Variants in TRIM39 observed in about 807,000 individuals in gnomAD.
The protein encoded by TRIM39 is E3 ubiquitin-protein ligase TRIM39.
TRIM39 carries 5 observed loss-of-function variants against 53.6 expected under a neutral mutation model. The observed-to-expected ratio is 0.09, with a 90% CI of 0.05 to 0.20. The LOEUF (loss-of-function observed/expected upper bound fraction) is 0.20. Ranked by LOEUF, TRIM39 falls within the 10% of genes least tolerant of loss-of-function variation. The pLI is 1.00. For synonymous variants in TRIM39, 196 were observed against 237.6 expected (o/e 0.82, Z 1.61); for missense variants, 310 against 621.0 (o/e 0.50, Z 5.32).
intron 5 of TRIM39, among the ~76,000 whole-genome samples, chr6:30,337,894 G>A (rs60748761): frequency 2.4e-4 from 37 of 152,298 alleles, no homozygotes; most frequent in African/African-American, 7.0e-4. Flanking sequence ...AGTAATCTTG[G>A]CAAGATCTTC....
intron 5 of TRIM39, 90 bp downstream of exon 5, chr6:30,336,065 TCTGCTCTC>T: frequency 6.5e-7 from 1 of 1,537,686 alleles, no homozygotes; most frequent in Non-Finnish European, 8.9e-7. Flanking sequence ...TACTCATTCT[TCTGCTCTC>T]CTTCTCTAAA....
chr6:30,333,512 C>T (rs1253942493), intron 4 of TRIM39, among the ~76,000 whole-genome samples: 1 of 151,816 alleles, frequency 6.6e-6, no homozygotes, highest in Non-Finnish European at 1.5e-5. Flanking sequence ...CGCCCACCAC[C>T]ACACCCAGCT....
chr6:30,328,236 G>A (rs1005045548), intron 1 of TRIM39, among the ~76,000 whole-genome samples: 6 of 152,224 alleles, frequency 3.9e-5, no homozygotes, highest in Non-Finnish European at 8.8e-5. Flanking sequence ...GTTATCAATA[G>A]CTATATTGAA....
chr6:30,329,156 G>C (rs1008620674), intron 2 of TRIM39, 115 bp downstream of exon 2: 11 of 872,958 alleles, frequency 1.3e-5, no homozygotes, highest in Non-Finnish European at 1.9e-5. Flanking sequence ...AGGTTGAATT[G>C]ATTGGAAGAG....
In TRIM39 at chr6:30,338,706, T is replaced by G. The variant is rs1048644176; in HGVS notation, c.781-1202T>G. ...TTGGAAAACATGGTGCCAGTAGACT[T>G]GCTCAACACAGGTTGCCACAAACCA... On this transcript the variant is annotated intron_variant, in intron 5 of 7. Transcript: ENST00000396551. This position sits in a 1 kb window ranked among gnomAD's most constrained non-coding sequence, Gnocchi z 4.0. 6.6e-6 allele frequency among the ~76,000 whole-genome samples: 1 copy of G among 151,740 alleles called. No individual in the cohort carries two copies. The highest frequency in any genetic ancestry group is 2.4e-5 in the African/African-American group (1 of 41,270).
In TRIM39 at chr6:30,340,391, G is replaced by A; in HGVS notation, c.804-114G>A. ...GCTTTTCAGGGAGGAGGAAGAAAGT[G>A]GGAAGATGGAGAATTTTAATTTCTC... On this transcript the variant is annotated intron_variant, in intron 6 of 7. Transcript: ENST00000396551. The A allele has an allele frequency of 1.9e-6, 3 of 1,610,342 alleles. No homozygotes were observed. The African/African-American group carries it at 4.0e-5, about 21-fold the overall frequency.
Position 30,335,718 on chromosome 6 carries a change from G to C in TRIM39, c.550-27G>C, listed in dbSNP as rs566267140. On this transcript the variant is annotated intron_variant, in intron 4 of 7. Transcript: ENST00000396551. The surrounding 1 kb of genome is among the most constrained non-coding windows in gnomAD (Gnocchi z 4.7). The stretch of plus-strand genomic sequence containing the variant: ...TTCCTTATACCACACTGACCCTGCT[G>C]ATACAACATCTTCCCTCTCTTCTCA... The C allele has an allele frequency of 6.2e-7, 1 of 1,609,260 alleles. No individual in the cohort carries two copies. The highest frequency in any genetic ancestry group is 1.7e-5 in the Admixed American group (1 of 59,534).
At chr6:30,333,785 T>A (rs1786514778) in intron 4 of TRIM39, among the ~76,000 whole-genome samples, 1 of 152,070 alleles carries the variant, frequency 6.6e-6, no homozygotes, top group Admixed American at 6.6e-5. Context: ...TCCCCAACCA[T>A]GGAAAACAAG....
Position 30,330,767 on chromosome 6 carries a change from T to C in TRIM39, c.454-14T>C. The stretch of plus-strand genomic sequence containing the variant: ...CCCAAATGTCACCTCTCCCACTTCC[T>C]CCCTACCCCTCAGGAAAAACTGCAG... On this transcript the variant is annotated splice_polypyrimidine_tract_variant and intron_variant, in intron 3 of 7. Transcript: ENST00000396551. 1.2e-6 allele frequency: 2 copies of C among 1,613,862 alleles called. No individual in the cohort carries two copies. Among genetic ancestry groups the C allele is most frequent in the South Asian group, 1.1e-5 (1 of 91,032 alleles).
intron 7 of TRIM39, chr6:30,341,353 CCTT>C (rs1787515554): frequency 1.7e-6 from 1 of 576,990 alleles, no homozygotes; most frequent in Admixed American, 2.2e-5. Context: ...TGCTCGGCAT[CCTT>C]CTTAACACTT....
At chr6:30,343,175 T>A (rs1269066332) in exon 8 of TRIM39, 1 of 152,620 alleles carries the variant, frequency 6.6e-6, no homozygotes, top group Non-Finnish European at 1.5e-5. Flanking sequence ...CCTTAAAGAA[T>A]GTTACTTAGT....
Position 30,342,246 on chromosome 6 carries a change from C to A in TRIM39, c.1454C>A (p.Thr485Lys). The A allele has an allele frequency of 6.2e-7, 1 of 1,612,744 alleles. No homozygotes were observed. Among genetic ancestry groups the A allele is most frequent in the Non-Finnish European group, 8.5e-7 (1 of 1,179,858 alleles). The stretch of plus-strand genomic sequence containing the variant: ...GCACCACTTACCATCAGGCCCCCAA[C>A]AGATTGGGAGTGACAGGTTGGGATG... The change falls in exon 8 of 8, where the codon ACA becomes AAA. Residue 485 changes from threonine (T) to lysine (K), a missense_variant. Physicochemically the swap from Thr to Lys is moderately conservative, Grantham distance 78 (BLOSUM62 -1). Around this residue, in one of 5 missense-constraint regions of TRIM39, gnomAD observed 75 missense variants for 244.8 expected, o/e 0.31. Transcript: ENST00000396551. This position sits in a 1 kb window ranked among gnomAD's most constrained non-coding sequence, Gnocchi z 4.7.
intron 5 of TRIM39, among the ~76,000 whole-genome samples, chr6:30,337,884 A>G (rs1301546316): frequency 1.3e-5 from 2 of 152,264 alleles, no homozygotes; most frequent in Non-Finnish European, 2.9e-5. Flanking sequence ...CACCTTCATC[A>G]GTAATCTTGG....
chr6:30,339,787 C>A lies in TRIM39; in HGVS notation c.781-121C>A. On this transcript the variant is annotated intron_variant, in intron 5 of 7. Coordinates refer to ENST00000396551, the Ensembl canonical transcript of TRIM39. The surrounding 1 kb of genome is among the most constrained non-coding windows in gnomAD (Gnocchi z 4.2). ...CTGGAGCTCTTCTTGCACTGTGTGA[C>A]CCTCAGTTTATCCTATCCCTATTTT... 7.3e-7 allele frequency: 1 copy of A among 1,363,932 alleles called. No individual in the cohort carries two copies. The highest frequency in any genetic ancestry group is 1.0e-6 in the Non-Finnish European group (1 of 970,372). The allele number at this position is 1,363,932 out of a possible 1,614,324, so 84.5% of individuals were successfully genotyped here.
At chr6:30,333,819 T>C (rs1274331657) in intron 4 of TRIM39, among the ~76,000 whole-genome samples, 1 of 152,070 alleles carries the variant, frequency 6.6e-6, no homozygotes, top group Non-Finnish European at 1.5e-5. Context: ...TTCCAAAATA[T>C]CCTCAGAGTG....
Position 30,342,307 on chromosome 6 carries a change from C to T in TRIM39, c.*48C>T, listed in dbSNP as rs6920005. 5.4e-5 allele frequency: 85 copies of T among 1,582,944 alleles called. No homozygotes were observed. The highest frequency in any genetic ancestry group is 2.3e-4 in the South Asian group (20 of 86,980). On this transcript the variant is annotated 3_prime_UTR_variant, in exon 8 of 8. Coordinates refer to ENST00000396551, the Ensembl canonical transcript of TRIM39. This position sits in a 1 kb window ranked among gnomAD's most constrained non-coding sequence, Gnocchi z 4.7. ...TGGGGTGAGGCAGGGTCAAGTGCTA[C>T]GGGCCTCCTTCCCGTGTCCTGCTGG...
At chr6:30,329,219 G>A (rs1279726705) in intron 2 of TRIM39, 92 bp from the exon 3 acceptor site, 1 of 1,399,102 alleles carries the variant, frequency 7.1e-7, no homozygotes, top group Non-Finnish European at 9.6e-7. Context: ...TTAACATAGG[G>A]ATAAATGTCG....
intron 1 of TRIM39, among the ~76,000 whole-genome samples, chr6:30,328,461 A>G (rs1048690239): frequency 1.3e-5 from 2 of 152,224 alleles, no homozygotes; most frequent in African/African-American, 4.8e-5. Context: ...AGGAAGAATA[A>G]TTTCAGATTT....
Position 30,339,800 on chromosome 6 carries a change from C to T in TRIM39, c.781-108C>T. 1 of 1,474,112 alleles carries T rather than the reference C, an allele frequency of 6.8e-7. No homozygotes were observed. The highest frequency in any genetic ancestry group is 9.4e-7 in the Non-Finnish European group (1 of 1,064,954). The allele number at this position is 1,474,112 out of a possible 1,614,324, so 91.3% of individuals were successfully genotyped here. The stretch of plus-strand genomic sequence containing the variant: ...TGCACTGTGTGACCCTCAGTTTATC[C>T]TATCCCTATTTTATAGCTGTGGAAC... On this transcript the variant is annotated intron_variant, in intron 5 of 7. Coordinates refer to ENST00000396551, the Ensembl canonical transcript of TRIM39. The surrounding 1 kb of genome is among the most constrained non-coding windows in gnomAD (Gnocchi z 4.2).
Sources: allele counts gnomAD v4.1 joint callset (sites outside exome capture counted in the v4.1 genomes callset), GRCh38; gene constraint gnomAD v4.1.1; regional missense constraint gnomAD v4.1.1; non-coding constraint Gnocchi (gnomAD v3.1); transcripts MANE v1.5; gene names NCBI Gene and HGNC (gene_info 2026-07-23, HGNC 2026-07-21).